KANK1: variants seen among roughly 807,000 people sequenced by gnomAD.
KANK1 encodes KN motif and ankyrin repeat domains 1, also known as KN motif and ankyrin repeat domain-containing protein 1.
In KANK1, 109 loss-of-function variants were observed where a neutral mutation model predicts 106.2. The ratio of observed to expected loss-of-function variants is 1.03; its 90% CI spans 0.88 to 1.20. KANK1 has a LOEUF of 1.20. Ranked by LOEUF, KANK1 falls within the 50% of genes most tolerant of loss-of-function variation. The probability of loss-of-function intolerance (pLI) is 0.00; values close to 1 mark genes in which losing one functional copy is unlikely to be tolerated. For missense variants in KANK1, 2,399 were observed against 1,710.7 expected (o/e 1.40, Z -7.10); for synonymous variants, 873 against 652.2 (o/e 1.34, Z -5.16).
rs781601552 is a variant in KANK1 at position 740,951 on chromosome 9, C to G, written c.3696+17C>G. 1 of 1,613,608 alleles carries G rather than the reference C, an allele frequency of 6.2e-7. No homozygotes were observed. The highest frequency in any genetic ancestry group is 2.2e-5 in the East Asian group (1 of 44,858). Reference sequence around the variant, plus strand: ...GCTAGTCAGGTTAGTGCGCCTGGTTCCTGTGCTCAGGAATGCACCCGTAAC... The same window carrying G: ...GCTAGTCAGGTTAGTGCGCCTGGTTGCTGTGCTCAGGAATGCACCCGTAAC... On this transcript the variant is annotated intron_variant, in intron 9 of 11. Coordinates refer to ENST00000382297, the MANE Select transcript of KANK1 (RefSeq NM_015158.5).
At chr9:647,024 C>A (rs1839823599) in intron 1 of KANK1, among the ~76,000 whole-genome samples, 1 of 150,988 alleles carries the variant, frequency 6.6e-6, no homozygotes, top group Non-Finnish European at 1.5e-5. Context: ...AAAATCACTT[C>A]CCTTGCTATA....
At chr9:645,481 G>A (rs1403870653) in intron 1 of KANK1, among the ~76,000 whole-genome samples, 2 of 139,594 alleles carry the variant, frequency 1.4e-5, no homozygotes, top group Non-Finnish European at 3.1e-5. Flanking sequence ...ATAAAAAACA[G>A]TGAAATAAAA....
At chr9:743,382 C>T (rs1025473361) in intron 10 of KANK1, among the ~76,000 whole-genome samples, 2 of 152,334 alleles carry the variant, frequency 1.3e-5, no homozygotes, top group South Asian at 4.1e-4. Flanking sequence ...AGATTCCCTT[C>T]TTCCCCTCTG....
At chr9:704,098 G>C (rs368107493) in intron 2 of KANK1, among the ~76,000 whole-genome samples, 100 of 152,284 alleles carry the variant, frequency 6.6e-4, no homozygotes, top group African/African-American at 2.1e-3. Flanking sequence ...ATAATTTAGC[G>C]TCTTTCTCCT....
intron 1 of KANK1, among the ~76,000 whole-genome samples, chr9:577,808 C>A (rs1437967738): frequency 6.6e-6 from 1 of 152,146 alleles, no homozygotes; most frequent in African/African-American, 2.4e-5. Flanking sequence ...GAACCACTGG[C>A]TTTACGCATG....
chr9:715,572 C>T (rs543887352), intron 3 of KANK1, among the ~76,000 whole-genome samples: 1 of 152,354 alleles, frequency 6.6e-6, no homozygotes, highest in African/African-American at 2.4e-5. Context: ...TTTCCAGTCA[C>T]ACTGACATGC....
At chr9:504,438 G>GGCTCCGCGGTAC (rs2058631817), upstream of KANK1, among the ~76,000 whole-genome samples, 1 of 151,720 alleles carries the variant, frequency 6.6e-6, no homozygotes, top group Admixed American at 6.6e-5. Context: ...GCCCGCGGCC[G>GGCTCCGCGGTAC]GCTCCGCGGT....
chr9:561,576 A>G (rs7864343), intron 1 of KANK1, among the ~76,000 whole-genome samples: 2 of 152,194 alleles, frequency 1.3e-5, no homozygotes, highest in Admixed American at 6.5e-5. Flanking sequence ...CATTGGTACT[A>G]TTTACTTATG....
chr9:728,503 C>T (rs543368004), intron 3 of KANK1, among the ~76,000 whole-genome samples: 9 of 152,184 alleles, frequency 5.9e-5, no homozygotes, highest in South Asian at 2.1e-4. Flanking sequence ...CCGGCCTCTT[C>T]GATGTATATT....
intron 3 of KANK1, among the ~76,000 whole-genome samples, chr9:715,076 T>C (rs950985586): frequency 2.0e-5 from 3 of 152,250 alleles, no homozygotes; most frequent in African/African-American, 7.2e-5. Context: ...CTTCCTAGGT[T>C]TCCACTTTCA....
At chr9:662,577 C>G (rs548176050) in intron 1 of KANK1, among the ~76,000 whole-genome samples, 1 of 151,910 alleles carries the variant, frequency 6.6e-6, no homozygotes, top group East Asian at 1.9e-4. Flanking sequence ...AAAGCATTCC[C>G]TGTTTAATAA....
chr9:684,624 T>C (rs1381635369), intron 2 of KANK1: 3 of 974,958 alleles, frequency 3.1e-6, no homozygotes, highest in Admixed American at 6.2e-5. Flanking sequence ...CTTTCTTGAA[T>C]GAGTTGGGTG....
At chr9:516,854 T>C (rs2059299996) in intron 1 of KANK1, among the ~76,000 whole-genome samples, 1 of 151,728 alleles carries the variant, frequency 6.6e-6, no homozygotes, top group South Asian at 2.1e-4. Flanking sequence ...GGGGTACCTG[T>C]CCTTCAGGTG....
chr9:696,369 G>A (rs1239495028), intron 2 of KANK1, among the ~76,000 whole-genome samples: 1 of 152,030 alleles, frequency 6.6e-6, no homozygotes, highest in African/African-American at 2.4e-5. Flanking sequence ...CTTGCTAACT[G>A]TAACACAGTT....
At chr9:658,303 A>G (rs991806116) in intron 1 of KANK1, among the ~76,000 whole-genome samples, 8 of 152,104 alleles carry the variant, frequency 5.3e-5, no homozygotes, top group Non-Finnish European at 1.2e-4. Context: ...CTTTTAACTT[A>G]GAAGAAAACC....
At chr9:675,640 G>A (rs1816263631) in intron 1 of KANK1, among the ~76,000 whole-genome samples, 1 of 152,054 alleles carries the variant, frequency 6.6e-6, no homozygotes, top group African/African-American at 2.4e-5. Context: ...CGGTGTTTCA[G>A]AACTATGTGC....
At chr9:554,643 T>A (rs1050045140) in intron 1 of KANK1, among the ~76,000 whole-genome samples, 4 of 152,198 alleles carry the variant, frequency 2.6e-5, no homozygotes, top group African/African-American at 9.6e-5. Flanking sequence ...AAAATCGGAT[T>A]CATCAAATGA....
chr9:481,573 A>T, intron 3 of KANK1, among the ~76,000 whole-genome samples: 1 of 152,226 alleles, frequency 6.6e-6, no homozygotes, highest in Non-Finnish European at 1.5e-5. Flanking sequence ...AAAATAAGAT[A>T]TGTCCATACA....
intron 1 of KANK1, among the ~76,000 whole-genome samples, chr9:517,520 G>A (rs960000637): frequency 3.3e-5 from 5 of 151,720 alleles, no homozygotes. Context: ...AAAGCCTACT[G>A]TTAGGATATT....
Sources: gnomAD v4.1 joint callset for allele counts (sites outside exome capture counted in the v4.1 genomes callset) on GRCh38, gnomAD v4.1.1 for gene constraint, MANE v1.5 for transcripts, NCBI Gene and HGNC (gene_info 2026-07-23, HGNC 2026-07-21) for gene names.